Variants in UGT1A7 observed in about 807,000 individuals in gnomAD.
UGT1A7 encodes UDP glucuronosyltransferase family 1 member A7, also known as UDP-glucuronosyltransferase 1A7.
UGT1A7 carries 33 observed loss-of-function variants against 45.6 expected under a neutral mutation model. That is an observed-to-expected ratio of 0.72 (90% CI 0.55 to 0.97). The LOEUF is 0.97. Among genes scored for constraint, UGT1A7 ranks in the 50% least tolerant of loss-of-function variants. UGT1A7 has a pLI of 0.00. For missense variants in UGT1A7, 684 were observed against 666.2 expected (o/e 1.03, Z -0.29); for synonymous variants, 274 against 250.6 (o/e 1.09, Z -0.88).
intron 2 of UGT1A7, 34 bp downstream of exon 2, chr2:233,767,199 T>C (rs2126030914): frequency 1.9e-6 from 3 of 1,613,616 alleles, no homozygotes; most frequent in East Asian, 4.5e-5. Flanking sequence ...CTCATATCTA[T>C]TTTCACAGGA....
intron 1 of UGT1A7, chr2:233,730,140 A>G (rs1239984500): frequency 2.3e-5 from 35 of 1,523,880 alleles, no homozygotes; most frequent in Non-Finnish European, 2.7e-5. Flanking sequence ...TCAGTGAGAT[A>G]AACTGTTAAG....
At chr2:233,721,017 C>T (rs1165667415) in intron 1 of UGT1A7, among the ~76,000 whole-genome samples, 3 of 151,958 alleles carry the variant, frequency 2.0e-5, no homozygotes, top group Admixed American at 6.6e-5. Flanking sequence ...AGTGAGGGAG[C>T]CATCTTTCTT....
chr2:233,712,236 T>C (rs1331292376), intron 1 of UGT1A7, among the ~76,000 whole-genome samples: 1 of 152,234 alleles, frequency 6.6e-6, no homozygotes, highest in African/African-American at 2.4e-5. Flanking sequence ...ACCATGGGTC[T>C]TTGCTAGGGT....
At chr2:233,755,197 T>C in intron 1 of UGT1A7, 1 of 1,117,644 alleles carries the variant, frequency 8.9e-7, no homozygotes, top group Non-Finnish European at 1.3e-6. Context: ...AGCGCCAGCT[T>C]GCGGTACGCC....
intron 1 of UGT1A7, among the ~76,000 whole-genome samples, chr2:233,751,493 G>C (rs545881478): frequency 3.2e-4 from 48 of 152,200 alleles, no homozygotes; most frequent in Non-Finnish European, 6.2e-4. Context: ...AAAGACATGA[G>C]ATTTGGGAGG....
At chr2:233,729,375 G>T (rs148006660) in intron 1 of UGT1A7, 2 of 1,613,886 alleles carry the variant, frequency 1.2e-6, no homozygotes, top group Non-Finnish European at 1.7e-6. Flanking sequence ...ATGCCATTTC[G>T]TGGACCCAGG....
chr2:233,745,133 G>A (rs1291736176), intron 1 of UGT1A7, among the ~76,000 whole-genome samples: 1 of 151,810 alleles, frequency 6.6e-6, no homozygotes, highest in East Asian at 1.9e-4. Flanking sequence ...CTGCAGATGT[G>A]AAGCCCAAGT....
intron 1 of UGT1A7, among the ~76,000 whole-genome samples, chr2:233,751,630 A>C (rs1694768299): frequency 6.6e-6 from 1 of 152,142 alleles, no homozygotes; most frequent in Non-Finnish European, 1.5e-5. Context: ...TCATGTGTGC[A>C]GTTTCCCCCT....
chr2:233,769,459 A>G lies in UGT1A7; in HGVS notation c.1295+1020A>G. On this transcript the variant is annotated intron_variant, in intron 4 of 4. Coordinates refer to ENST00000373426, the MANE Select transcript of UGT1A7 (RefSeq NM_019077.3). This position sits in a 1 kb window ranked among gnomAD's most constrained non-coding sequence, Gnocchi z 4.4. The stretch of plus-strand genomic sequence containing the variant: ...TGTGTGGGTGCACACGTGTGCATTC[A>G]TATGCGTGTGTGTGTGTGTGCGTGT... 1 of 1,591,312 alleles carries G rather than the reference A, an allele frequency of 6.3e-7. No individual in the cohort carries two copies. Among genetic ancestry groups the G allele is most frequent in the Non-Finnish European group, 8.6e-7 (1 of 1,161,842 alleles).
chr2:233,772,592 C>A lies in UGT1A7; in HGVS notation c.*33C>A. 1.3e-6 allele frequency: 2 copies of A among 1,599,668 alleles called. No homozygotes were observed. The highest frequency in any genetic ancestry group is 1.7e-6 in the Non-Finnish European group (2 of 1,172,304). On this transcript the variant is annotated 3_prime_UTR_variant, in exon 5 of 5. Transcript: ENST00000373426. ...GTGGGAAATAAGGTAAAATTTTGAA[C>A]CATTCCCTAGTCATTTCCAAACTTG...
At chr2:233,724,404 G>T (rs1202271642) in intron 1 of UGT1A7, among the ~76,000 whole-genome samples, 1 of 140,424 alleles carries the variant, frequency 7.1e-6, no homozygotes, top group Admixed American at 7.0e-5. Context: ...CTTCCCAGAT[G>T]GGGTGGCTGC....
chr2:233,772,410 C>A lies in UGT1A7; in HGVS notation c.1444C>A (p.Gln482Lys). ...CGCAGCCCACGACCTCACCTGGTAC[C>A]AGTACCATTCCTTGGACGTGATTGG... Reference protein sequence around the residue: ...RPAAHDLTWYQYHSLDVIGFL... With the variant: ...RPAAHDLTWYKYHSLDVIGFL... Residue 482 changes from glutamine to lysine, a missense_variant, in exon 5 of 5, where the codon CAG becomes AAG. Coordinates refer to ENST00000373426, the MANE Select transcript of UGT1A7 (RefSeq NM_019077.3). 1 of 1,614,220 alleles carries A rather than the reference C, an allele frequency of 6.2e-7. No homozygotes were observed. The highest frequency in any genetic ancestry group is 8.5e-7 in the Non-Finnish European group (1 of 1,180,040).
At chr2:233,711,679 T>C (rs1356077435) in intron 1 of UGT1A7, among the ~76,000 whole-genome samples, 1 of 152,190 alleles carries the variant, frequency 6.6e-6, no homozygotes. Context: ...CAATGTGGAT[T>C]TCTAATGGGG....
intron 1 of UGT1A7, among the ~76,000 whole-genome samples, chr2:233,728,134 C>T (rs1335852512): frequency 1.3e-5 from 2 of 152,184 alleles, no homozygotes; most frequent in Non-Finnish European, 2.9e-5. Flanking sequence ...GACTAGGGCC[C>T]CCACAAATTG....
rs201654358 is a variant in UGT1A7, at chr2:233,682,696, G to C, written c.759G>C (p.Leu253Phe). The C allele has an allele frequency of 3.1e-6, 5 of 1,613,814 alleles. No homozygotes were observed. The East Asian group carries it at 1.1e-4, about 36-fold the overall frequency. ...DLYSHTSIWL[L>F]RTDFVLEYPK... is the part of the protein sequence containing the mutation. ...ACAGCCACACATCAATTTGGTTGTT[G>C]CGAACTGACTTTGTTTTGGAGTATC... The change falls in exon 1 of 5, where the codon TTG (leucine) becomes TTC (phenylalanine). Residue 253 changes from leucine to phenylalanine, a missense_variant. Physicochemically the swap from Leu to Phe is conservative, Grantham distance 22. Coordinates refer to ENST00000373426, the MANE Select transcript of UGT1A7 (RefSeq NM_019077.3).
rs1575845163 is a variant in UGT1A7, at chr2:233,769,671, ATG to A, written c.1295+1241_1295+1242del. 2.5e-6 allele frequency: 4 copies of A among 1,588,796 alleles called. No homozygotes were observed. The highest frequency in any genetic ancestry group is 4.5e-5 in the East Asian group (2 of 44,092). On this transcript the variant is annotated intron_variant, in intron 4 of 4. Coordinates refer to ENST00000373426, the MANE Select transcript of UGT1A7 (RefSeq NM_019077.3). This position sits in a 1 kb window ranked among gnomAD's most constrained non-coding sequence, Gnocchi z 4.4. ...CTGACTTCCCACCTTTGAGGTGCTA[ATG>A]TGTGTGTGGTGGCACTGGATAAAAG...
At position 233,769,451 on chromosome 2, in the gene UGT1A7, G is replaced by A; in HGVS notation, c.1295+1012G>A. On this transcript the variant is annotated intron_variant, in intron 4 of 4. Transcript: ENST00000373426. This position sits in a 1 kb window ranked among gnomAD's most constrained non-coding sequence, Gnocchi z 4.4. ...TGTGCTCATGTGTGGGTGCACACGT[G>A]TGCATTCATATGCGTGTGTGTGTGT... is the stretch of plus-strand genomic sequence containing the variant. 1 of 1,590,738 alleles carries A rather than the reference G, an allele frequency of 6.3e-7. No homozygotes were observed. Among genetic ancestry groups the A allele is most frequent in the Non-Finnish European group, 8.6e-7 (1 of 1,161,554 alleles).
At chr2:233,699,323 T>A (rs557152275) in intron 1 of UGT1A7, among the ~76,000 whole-genome samples, 1 of 152,360 alleles carries the variant, frequency 6.6e-6, no homozygotes, top group East Asian at 1.9e-4. Flanking sequence ...GCTATTTTGT[T>A]GAGTTTCATC....
chr2:233,753,954 T>C (rs1695355745), intron 1 of UGT1A7, among the ~76,000 whole-genome samples: 2 of 152,202 alleles, frequency 1.3e-5, no homozygotes, highest in Admixed American at 1.3e-4. Flanking sequence ...ACCTCCAAAA[T>C]ATTAAGAGAA....
Sources: gnomAD v4.1 joint callset for allele counts (sites outside exome capture counted in the v4.1 genomes callset) on GRCh38, gnomAD v4.1.1 for gene constraint, Gnocchi (gnomAD v3.1) non-coding constraint, MANE v1.5 for transcripts, NCBI Gene and HGNC (gene_info 2026-07-23, HGNC 2026-07-21) for gene names.